The following LRP6 variants were observed in gnomAD, a reference collection of about 807,000 sequenced individuals.
LRP6 encodes low-density lipoprotein receptor-related protein 6.
Under a neutral mutation model 184.1 loss-of-function variants are expected in LRP6, and 43 were observed. The ratio of observed to expected loss-of-function variants is 0.23; its 90% confidence interval spans 0.18 to 0.30. The LOEUF (loss-of-function observed/expected upper bound fraction) is 0.30, where lower values mean the gene tolerates loss of function less well. LRP6 is among the 10% of genes least tolerant of loss of function. LRP6 has a pLI of 1.00. For missense variants in LRP6, 1,571 were observed against 2,005.3 expected, an observed-to-expected ratio of 0.78 and a Z score of 4.14; for synonymous variants, 719 against 684.9, an observed-to-expected ratio of 1.05 and a Z score of -0.78.
chr12:12,260,883 T>C (rs890259594), intron 1 of LRP6, among the ~76,000 whole-genome samples: 8 of 152,240 alleles, frequency 5.3e-5, no homozygotes, highest in African/African-American at 1.9e-4. Context: ...ATGAAAATAA[T>C]CTTTCTCAGA....
chr12:12,186,418 G>C (rs1002583408), intron 4 of LRP6, among the ~76,000 whole-genome samples: 2 of 151,822 alleles, frequency 1.3e-5, no homozygotes, highest in African/African-American at 4.8e-5. Context: ...TCGCTCTGTT[G>C]CCCAGGCTGG....
At chr12:12,249,436 A>C (rs1865268117) in intron 1 of LRP6, 2 of 760,414 alleles carry the variant, frequency 2.6e-6, no homozygotes. Flanking sequence ...ACTAATCGAA[A>C]AGAAAAACCA....
chr12:12,227,409 CT>C lies in LRP6; in HGVS notation c.449+16852del, dbSNP rs776157812. On this transcript the variant is annotated intron_variant, in intron 2 of 22. Transcript: ENST00000261349. Reference sequence around the variant, plus strand: ...AAGGTAAAATAAAAACTTTCTTTTCCTTTTTTTTTTTTTTTGACACAGAGTT... The same window carrying C: ...AAGGTAAAATAAAAACTTTCTTTTCCTTTTTTTTTTTTTTGACACAGAGTT... 7.8e-3 allele frequency among the ~76,000 whole-genome samples: 1,083 copies of C among 139,610 alleles called. 3 individuals carry two copies. Among genetic ancestry groups the C allele is most frequent in the African/African-American group, 0.016 (601 of 38,274 alleles). 91.6% of individuals were successfully genotyped at this position (139,610 alleles called of 152,430 possible). A position where few individuals can be genotyped will look rare whatever the true frequency, so the allele number is the denominator to read the frequency against.
intron 1 of LRP6, among the ~76,000 whole-genome samples, chr12:12,251,304 A>T (rs1217204786): frequency 6.6e-6 from 1 of 152,102 alleles, no homozygotes; most frequent in Non-Finnish European, 1.5e-5. Context: ...TAGTTACGTA[A>T]AACTAGATTT....
At chr12:12,218,476 CA>C (rs1864404865) in intron 2 of LRP6, among the ~76,000 whole-genome samples, 1 of 140,020 alleles carries the variant, frequency 7.1e-6, no homozygotes, top group African/African-American at 2.7e-5. Flanking sequence ...GACCCTCTCT[CA>C]ATAATAATAA....
chr12:12,171,536 T>A (rs1277755573), intron 7 of LRP6, among the ~76,000 whole-genome samples: 3 of 3,322 alleles, frequency 9.0e-4, no homozygotes, highest in African/African-American at 4.8e-3. Flanking sequence ...AAAAATAAAA[T>A]AAATAAATAA....
At chr12:12,164,935 A>G in intron 8 of LRP6, 144 bp downstream of exon 8, 1 of 278,682 alleles carries the variant, frequency 3.6e-6, no homozygotes, top group Non-Finnish European at 6.3e-6. Context: ...AAAAAAAAAA[A>G]AAAAAAAAAA....
chr12:12,130,565 TA>T (rs796518328), intron 19 of LRP6, among the ~76,000 whole-genome samples: 5 of 152,364 alleles, frequency 3.3e-5, no homozygotes, highest in African/African-American at 9.6e-5. Context: ...TCTAGTGCTT[TA>T]CTAAATGTTT....
intron 4 of LRP6, among the ~76,000 whole-genome samples, chr12:12,184,406 AAAC>A (rs1863418419): frequency 4.0e-5 from 5 of 126,440 alleles, no homozygotes; most frequent in Admixed American, 2.7e-4. Context: ...ACAAACAAAC[AAAC>A]AAAACCAATA....
At position 12,164,366 on chromosome 12, in the gene LRP6, A is replaced by G. The variant is rs1862818149; in HGVS notation, c.1959T>C (p.Asn653=). The G allele has an allele frequency of 6.2e-7, 1 of 1,614,164 alleles. No homozygotes were observed. Among genetic ancestry groups the G allele is most frequent in the African/African-American group, 1.3e-5 (1 of 75,042 alleles). Residue 653 remains asparagine, a synonymous_variant, in exon 9 of 23, where the codon AAT becomes AAC. Transcript: ENST00000261349. The part of the protein sequence containing the change: ...RRISLETNNN[N]VAIPLTGVKE... ...TGACACCAGTGAGTGGAATAGCCAC[A>G]TTATTATTGTTTGTTTCCAGAGAAA...
In LRP6 at chr12:12,266,848, T is replaced by C; in HGVS notation, c.-113A>G. On this transcript the variant is annotated 5_prime_UTR_variant, in exon 1 of 23. Transcript: ENST00000261349. ...GGGCTGCACGCTCATACTTCCCAGCTTCCCAGCGAGAGAAGAAAGAAAGGG... is the reference window on the plus strand; with the variant it reads ...GGGCTGCACGCTCATACTTCCCAGCCTCCCAGCGAGAGAAGAAAGAAAGGG... 1 of 853,016 alleles carries C rather than the reference T, an allele frequency of 1.2e-6. No homozygotes were observed. 52.8% of individuals were successfully genotyped at this position (853,016 alleles called of 1,614,324 possible).
chr12:12,229,377 AAAAAAAAAAAGAAGAAG>A (rs1864718968), intron 2 of LRP6, among the ~76,000 whole-genome samples: 1 of 129,784 alleles, frequency 7.7e-6, no homozygotes. Context: ...TTTCAAAAAA[AAAAAAAAAAAGAAGAAG>A]AAGAAGAATA....
chr12:12,170,772 A>C (rs961226898), intron 7 of LRP6, among the ~76,000 whole-genome samples: 3 of 148,036 alleles, frequency 2.0e-5, no homozygotes, highest in Non-Finnish European at 4.4e-5. Context: ...TTTAATTCTA[A>C]TATGAAGTTA....
intron 3 of LRP6, among the ~76,000 whole-genome samples, chr12:12,194,825 C>T (rs1245838403): frequency 6.6e-6 from 1 of 152,052 alleles, no homozygotes; most frequent in African/African-American, 2.4e-5. Flanking sequence ...CTTTTTCTAA[C>T]TGTAATTCTG....
intron 19 of LRP6, among the ~76,000 whole-genome samples, chr12:12,130,231 G>A (rs890873335): frequency 6.7e-6 from 1 of 150,364 alleles, no homozygotes; most frequent in Non-Finnish European, 1.5e-5. Flanking sequence ...CTGTCGCCTA[G>A]GCTAGAGTGC....
chr12:12,174,503 C>G (rs914581432), intron 7 of LRP6, among the ~76,000 whole-genome samples: 1 of 152,174 alleles, frequency 6.6e-6, no homozygotes, highest in African/African-American at 2.4e-5. Context: ...GTCATATTAT[C>G]AGAACAGCCT....
intron 7 of LRP6, among the ~76,000 whole-genome samples, chr12:12,166,209 T>G (rs1862874910): frequency 6.6e-6 from 1 of 152,188 alleles, no homozygotes; most frequent in South Asian, 2.1e-4. Flanking sequence ...CCCCTTTAAG[T>G]GACAGAAATG....
rs200187519 is a variant in LRP6 at position 12,185,852 on chromosome 12, T to TG, written c.844+1070_844+1071insC. 6.5e-3 allele frequency among the ~76,000 whole-genome samples: 977 copies of TG among 150,972 alleles called. 8 individuals are homozygous for TG. The highest frequency in any genetic ancestry group is 0.022 in the African/African-American group (916 of 40,734). ...TGTGTGTGTGTGTGTTTTTTGTTTT[T>TG]TTTTTTTTTGAGACATAATTTCTTT... On this transcript the variant is annotated intron_variant, in intron 4 of 22. Coordinates refer to ENST00000261349, the MANE Select transcript of LRP6 (RefSeq NM_002336.3).
At chr12:12,123,610 G>A (rs968326371) in intron 22 of LRP6, among the ~76,000 whole-genome samples, 1 of 152,204 alleles carries the variant, frequency 6.6e-6, no homozygotes, top group African/African-American at 2.4e-5. Context: ...ACTTCAGTGT[G>A]TAGATAGAAA....
Sources: gnomAD v4.1 joint callset for allele counts (sites outside exome capture counted in the v4.1 genomes callset) on GRCh38, gnomAD v4.1.1 for gene constraint, MANE v1.5 for transcripts, NCBI Gene and HGNC (gene_info 2026-07-23, HGNC 2026-07-21) for gene names.